RERE: variants seen among roughly 807,000 people sequenced by gnomAD.
RERE encodes arginine-glutamic acid dipeptide repeats.
RERE carries 40 observed loss-of-function variants against 146.1 expected under a neutral mutation model. The ratio of observed to expected loss-of-function variants is 0.27; its 90% CI spans 0.21 to 0.36. The LOEUF is 0.36. Among genes scored for constraint, RERE ranks in the 10% least tolerant of loss-of-function variants. The probability of loss-of-function intolerance (pLI) is 1.00; values close to 1 mark genes in which losing one functional copy is unlikely to be tolerated. For synonymous variants in RERE, 1,003 were observed against 866.0 expected (o/e 1.16, Z -2.78); for missense variants, 1,933 against 2,138.7 (o/e 0.90, Z 1.90).
In RERE at chr1:8,582,375, C is replaced by CTTT. The variant is rs953429620; in HGVS notation, c.523-24855_523-24853dup. The stretch of plus-strand genomic sequence containing the variant: ...CTATAGGTGTGTATCACTGTGCCTG[C>CTTT]TTTTTTTTTTTTCTCTCTCTTTCTT... On this transcript the variant is annotated intron_variant, in intron 4 of 22. Coordinates refer to ENST00000400908, the MANE Select transcript of RERE (RefSeq NM_001042681.2). Among the ~76,000 whole-genome samples the CTTT allele has an allele frequency of 1.5e-5, 2 of 136,540 alleles. 1 individual carries two copies. Among genetic ancestry groups the CTTT allele is most frequent in the Non-Finnish European group, 3.2e-5 (2 of 61,982 alleles). The allele number at this position is 136,540 out of a possible 152,430, so 89.6% of individuals were successfully genotyped here.
chr1:8,516,625 C>G (rs1645423638), intron 7 of RERE, among the ~76,000 whole-genome samples: 1 of 152,108 alleles, frequency 6.6e-6, no homozygotes. Context: ...ATCAGGAATC[C>G]TACTCAAGGT....
chr1:8,791,107 A>G (rs1641355716), intron 1 of RERE, among the ~76,000 whole-genome samples: 2 of 152,178 alleles, frequency 1.3e-5, no homozygotes, highest in African/African-American at 4.8e-5. Context: ...CCAAAAAGAG[A>G]TTTACTCTCT....
rs1295788157 is a variant in RERE, at chr1:8,386,010, ATATATATATATATTTTTTTTT to A, written c.1285-20057_1285-20037del. On this transcript the variant is annotated intron_variant, in intron 12 of 22. Transcript: ENST00000400908. ...AAAAAAAAAATATATATATATATAT[ATATATATATATATTTTTTTTT>A]TTTTTTTTTTTTTTTTTCTTGGTTC... 2.1e-3 allele frequency among the ~76,000 whole-genome samples: 91 copies of A among 44,068 alleles called. 1 individual carries two copies. The highest frequency in any genetic ancestry group is 7.9e-3 in the African/African-American group (90 of 11,324). 28.9% of individuals were successfully genotyped at this position (44,068 alleles called of 152,430 possible).
intron 15 of RERE, among the ~76,000 whole-genome samples, chr1:8,363,100 G>T (rs1282176106): frequency 1.3e-5 from 2 of 152,262 alleles, no homozygotes; most frequent in Non-Finnish European, 2.9e-5. Flanking sequence ...CATCCCAAGG[G>T]ACTGTCCTGA....
At chr1:8,750,055 G>C (rs1025955424) in intron 1 of RERE, among the ~76,000 whole-genome samples, 1 of 146,456 alleles carries the variant, frequency 6.8e-6, no homozygotes, top group East Asian at 2.0e-4. Flanking sequence ...GGGAGGCTAA[G>C]ACATGAGAAT....
intron 8 of RERE, among the ~76,000 whole-genome samples, chr1:8,501,242 T>C (rs1187598299): frequency 7.9e-6 from 1 of 125,902 alleles, no homozygotes; most frequent in Admixed American, 7.8e-5. Context: ...GGCCGCCCCG[T>C]CCGGGAGGTG....
At chr1:8,600,458 C>T (rs1646607850) in intron 4 of RERE, among the ~76,000 whole-genome samples, 1 of 152,152 alleles carries the variant, frequency 6.6e-6, no homozygotes, top group Admixed American at 6.5e-5. Context: ...ATCTTAAGAG[C>T]AGATTGAAAA....
At chr1:8,548,136 C>T (rs1250199259) in intron 6 of RERE, among the ~76,000 whole-genome samples, 4 of 152,036 alleles carry the variant, frequency 2.6e-5, no homozygotes, top group African/African-American at 9.7e-5. Flanking sequence ...ATAAGAAAGA[C>T]GGGGTTTTAA....
intron 1 of RERE, among the ~76,000 whole-genome samples, chr1:8,739,900 T>TC (rs1293396605): frequency 6.6e-6 from 1 of 151,302 alleles, no homozygotes; most frequent in Non-Finnish European, 1.5e-5. Context: ...ATAGTGTTAA[T>TC]CCCCCCGTCC....
intron 1 of RERE, among the ~76,000 whole-genome samples, chr1:8,778,496 A>G (rs1473020093): frequency 6.6e-6 from 1 of 152,228 alleles, no homozygotes; most frequent in East Asian, 1.9e-4. Flanking sequence ...ATACTATAGA[A>G]GACTTCATTT....
chr1:8,565,798 G>A (rs951371558), intron 4 of RERE, among the ~76,000 whole-genome samples: 41 of 152,054 alleles, frequency 2.7e-4, no homozygotes, highest in African/African-American at 9.4e-4. Flanking sequence ...AGCTCAAAAC[G>A]CCAGGAAAGA....
rs138529226 is a variant in RERE at position 8,475,724 on chromosome 1, A to G, written c.1105-9701T>C. On this transcript the variant is annotated intron_variant, in intron 10 of 22. Transcript: ENST00000400908. The stretch of plus-strand genomic sequence containing the variant: ...AAGAAAAGAAAAATTTCTTATAACC[A>G]TAATTCACAAATGTCAATACATTTT... Among the ~76,000 whole-genome samples, 276 of 152,220 alleles carry G rather than the reference A, an allele frequency of 1.8e-3. 6 individuals carry two copies. The highest frequency in any genetic ancestry group is 0.016 in the Admixed American group (247 of 15,292).
chr1:8,729,912 T>C (rs1463064324), intron 1 of RERE, among the ~76,000 whole-genome samples: 2 of 152,218 alleles, frequency 1.3e-5, no homozygotes, highest in African/African-American at 4.8e-5. Context: ...AGGTTTTCTT[T>C]CAGGTATTTA....
intron 1 of RERE, among the ~76,000 whole-genome samples, chr1:8,789,299 A>ATATATAT (rs1287393421): frequency 3.6e-5 from 2 of 54,848 alleles, no homozygotes; most frequent in Non-Finnish European, 6.3e-5. Context: ...AAAAAAAAAA[A>ATATATAT]AAATATATAT....
intron 10 of RERE, among the ~76,000 whole-genome samples, chr1:8,481,656 A>G (rs1251239413): frequency 6.6e-6 from 1 of 152,254 alleles, no homozygotes; most frequent in Non-Finnish European, 1.5e-5. Flanking sequence ...TTTTATAATC[A>G]GGAAGCTGAC....
At chr1:8,575,557 ATATAT>A (rs1185039706) in intron 4 of RERE, among the ~76,000 whole-genome samples, 1,794 of 56,922 alleles carry the variant, frequency 0.032, 12 homozygotes, top group African/African-American at 0.047. Flanking sequence ...ATATATATAT[ATATAT>A]TTTTTTTTTT....
chr1:8,766,546 CAAA>C (rs60530407), intron 1 of RERE, among the ~76,000 whole-genome samples: 5 of 65,982 alleles, frequency 7.6e-5, no homozygotes, highest in Admixed American at 1.6e-4. Context: ...GACTCCATTG[CAAA>C]AAAAAAAAAA....
At chr1:8,605,745 C>CAAAAAAAAAAAAAAAAA (rs564574812) in intron 4 of RERE, among the ~76,000 whole-genome samples, 16 of 64,534 alleles carry the variant, frequency 2.5e-4, no homozygotes, top group African/African-American at 9.7e-4. Flanking sequence ...ACCCCATCTC[C>CAAAAAAAAAAAAAAAAA]AAAAAAAAAA....
intron 4 of RERE, among the ~76,000 whole-genome samples, chr1:8,603,924 G>A (rs1471724862): frequency 1.7e-5 from 2 of 117,194 alleles, no homozygotes; most frequent in East Asian, 5.0e-4. Context: ...GGGTGACAAA[G>A]CGAGACCCTG....
Sources: allele counts gnomAD v4.1 joint callset (sites outside exome capture counted in the v4.1 genomes callset), GRCh38; gene constraint gnomAD v4.1.1; transcripts MANE v1.5; gene names NCBI Gene and HGNC (gene_info 2026-07-23, HGNC 2026-07-21).